Variants in NELL1 observed in about 807,000 individuals in gnomAD.
NELL1 encodes the protein neural EGFL like 1, also known as protein kinase C-binding protein NELL1.
A neutral mutation model predicts 107.4 loss-of-function variants in NELL1; 76 were observed. The observed-to-expected ratio is 0.71, with a 90% CI of 0.59 to 0.86. NELL1 has a LOEUF of 0.86. Ranked by LOEUF, NELL1 falls within the 40% of genes least tolerant of loss-of-function variation. The pLI is 0.00. For missense variants in NELL1, 1,024 were observed against 1,005.5 expected (o/e 1.02, Z -0.25); for synonymous variants, 353 against 341.2 (o/e 1.03, Z -0.38).
intron 13 of NELL1, among the ~76,000 whole-genome samples, chr11:21,138,591 G>A (rs557586357): frequency 2.8e-4 from 43 of 152,262 alleles, no homozygotes; most frequent in African/African-American, 9.1e-4. Flanking sequence ...AGACCTGAAG[G>A]CTTCTTGGGT....
intron 15 of NELL1, among the ~76,000 whole-genome samples, chr11:21,499,117 T>C (rs1434260250): frequency 2.0e-5 from 3 of 152,098 alleles, no homozygotes; most frequent in Non-Finnish European, 4.4e-5. Flanking sequence ...AATTTTTGTG[T>C]CTGCCTTATA....
chr11:21,239,641 TA>T, intron 14 of NELL1, among the ~76,000 whole-genome samples: 1 of 152,176 alleles, frequency 6.6e-6, no homozygotes, highest in East Asian at 1.9e-4. Context: ...AATAGTACCC[TA>T]CCACTGCTTG....
intron 1 of NELL1, among the ~76,000 whole-genome samples, chr11:20,672,207 T>C (rs1293747271): frequency 3.9e-5 from 6 of 152,238 alleles, no homozygotes; most frequent in African/African-American, 1.4e-4. Flanking sequence ...CAGAAATCAT[T>C]TCCACATCAT....
At chr11:20,772,855 A>G (rs1334557648) in intron 2 of NELL1, among the ~76,000 whole-genome samples, 2 of 152,220 alleles carry the variant, frequency 1.3e-5, no homozygotes, top group African/African-American at 4.8e-5. Context: ...AGTTAGTAGA[A>G]CACGTTTTAA....
intron 5 of NELL1, among the ~76,000 whole-genome samples, chr11:20,886,463 C>T (rs972783459): frequency 9.9e-5 from 15 of 151,904 alleles, no homozygotes; most frequent in African/African-American, 3.6e-4. Flanking sequence ...TAAAATACCA[C>T]AAAAATATTT....
At chr11:20,978,448 A>G (rs1180307532) in intron 12 of NELL1, among the ~76,000 whole-genome samples, 1 of 152,100 alleles carries the variant, frequency 6.6e-6, no homozygotes, top group Non-Finnish European at 1.5e-5. Context: ...AAAAAAGCAC[A>G]CACACACAAC....
intron 12 of NELL1, among the ~76,000 whole-genome samples, chr11:21,029,850 C>T (rs1043697761): frequency 1.3e-5 from 2 of 152,204 alleles, no homozygotes; most frequent in Non-Finnish European, 2.9e-5. Flanking sequence ...CTCCATTCAT[C>T]TATTTCTGTA....
At chr11:20,749,063 A>G (rs1386945452) in intron 2 of NELL1, among the ~76,000 whole-genome samples, 1 of 151,602 alleles carries the variant, frequency 6.6e-6, no homozygotes, top group African/African-American at 2.4e-5. Flanking sequence ...CTCTCATGGG[A>G]TTTATAATCC....
intron 12 of NELL1, among the ~76,000 whole-genome samples, chr11:21,100,075 G>A (rs1854766701): frequency 6.6e-6 from 1 of 151,138 alleles, no homozygotes; most frequent in Non-Finnish European, 1.5e-5. Flanking sequence ...GGAGTACAAT[G>A]TCACAGTCTT....
At chr11:20,845,718 T>C (rs1233991862) in intron 3 of NELL1, among the ~76,000 whole-genome samples, 1 of 152,200 alleles carries the variant, frequency 6.6e-6, no homozygotes, top group East Asian at 1.9e-4. Flanking sequence ...TCCTGGCACA[T>C]GACAATCATT....
In NELL1 at chr11:21,032,687, G is replaced by T. The variant is rs145797336; in HGVS notation, c.1300+72127G>T. ...CAGGCATGAGCCACTGTACCCAGCC[G>T]ATGTAGGATGTTTTAAGTCCAAACA... On this transcript the variant is annotated intron_variant, in intron 12 of 19. Transcript: ENST00000357134. 2.6e-5 allele frequency among the ~76,000 whole-genome samples: 4 copies of T among 152,246 alleles called. No individual in the cohort carries two copies. The East Asian group carries it at 7.7e-4, about 29-fold the overall frequency.
chr11:20,693,181 T>C (rs1480381437), intron 2 of NELL1, among the ~76,000 whole-genome samples: 3 of 151,918 alleles, frequency 2.0e-5, no homozygotes, highest in African/African-American at 7.3e-5. Context: ...TATGTGTGTC[T>C]CTGCACGTGA....
At chr11:20,867,489 G>A (rs7109712) in intron 4 of NELL1, among the ~76,000 whole-genome samples, 90,157 of 151,572 alleles carry the variant, frequency 0.59, 30,478 homozygotes, top group Non-Finnish European at 0.76. Context: ...CAGTGGATGA[G>A]AAGACTTGCG....
At chr11:20,678,331 GC>G (rs1854113055) in intron 2 of NELL1, among the ~76,000 whole-genome samples, 1 of 152,156 alleles carries the variant, frequency 6.6e-6, no homozygotes, top group South Asian at 2.1e-4. Context: ...ATACTTGAAA[GC>G]CATTGACCAT....
chr11:20,892,412 T>C (rs1314773987), intron 5 of NELL1, among the ~76,000 whole-genome samples: 1 of 152,138 alleles, frequency 6.6e-6, no homozygotes, highest in East Asian at 1.9e-4. Flanking sequence ...GAATGGTGAT[T>C]ATTAAAAAGG....
At chr11:21,552,500 G>GA (rs113448041) in intron 16 of NELL1, among the ~76,000 whole-genome samples, 11 of 151,012 alleles carry the variant, frequency 7.3e-5, no homozygotes, top group South Asian at 2.1e-4. Flanking sequence ...AAGAAACACA[G>GA]AAAAAAAAGA....
At chr11:21,229,202 G>A in intron 13 of NELL1, 130 bp from the exon 14 acceptor site, 1 of 952,582 alleles carries the variant, frequency 1.0e-6, no homozygotes, top group Non-Finnish European at 1.6e-6. Flanking sequence ...GAACTTTTAG[G>A]CGCATAGTAA....
At chr11:20,915,721 T>TA (rs1564964768) in intron 5 of NELL1, among the ~76,000 whole-genome samples, 14 of 13,134 alleles carry the variant, frequency 1.1e-3, no homozygotes, top group Middle Eastern at 0.067. Context: ...ATATATATTT[T>TA]TTTTTTTTTT....
At chr11:20,693,725 C>T (rs1425056412) in intron 2 of NELL1, among the ~76,000 whole-genome samples, 4 of 151,942 alleles carry the variant, frequency 2.6e-5, no homozygotes, top group South Asian at 4.2e-4. Flanking sequence ...AACATTTTTT[C>T]CTTCATTTCA....
Sources: allele counts gnomAD v4.1 joint callset (sites outside exome capture counted in the v4.1 genomes callset), GRCh38; gene constraint gnomAD v4.1.1; transcripts MANE v1.5; gene names NCBI Gene and HGNC (gene_info 2026-07-23, HGNC 2026-07-21).